The following THRB variants were observed in gnomAD, a reference collection of about 807,000 sequenced individuals.
THRB encodes the protein thyroid hormone receptor beta, also known as nuclear receptor subfamily 1 group A member 2.
THRB carries 12 observed loss-of-function variants against 47.8 expected under a neutral mutation model. That is an observed-to-expected ratio of 0.25 (90% CI 0.16 to 0.41). The LOEUF (loss-of-function observed/expected upper bound fraction) is 0.41. THRB is among the 10% of genes least tolerant of loss of function. The probability of loss-of-function intolerance (pLI) is 1.00; values close to 1 mark genes in which losing one functional copy is unlikely to be tolerated. For missense variants in THRB, 348 were observed against 589.2 expected, an observed-to-expected ratio of 0.59 and a Z score of 4.24; for synonymous variants, 218 against 212.2, an observed-to-expected ratio of 1.03 and a Z score of -0.24.
chr3:24,472,434 G>C (rs1694838767), intron 1 of THRB, among the ~76,000 whole-genome samples: 1 of 152,130 alleles, frequency 6.6e-6, no homozygotes, highest in Non-Finnish European at 1.5e-5. Flanking sequence ...AAGGCGTGAA[G>C]ACTCATCTGG....
At chr3:24,247,644 A>G (rs1246125791) in intron 3 of THRB, among the ~76,000 whole-genome samples, 1 of 152,142 alleles carries the variant, frequency 6.6e-6, no homozygotes, top group Non-Finnish European at 1.5e-5. Context: ...TTACAACCTC[A>G]TTTTATCATC....
Position 24,143,484 on chromosome 3 carries a change from G to A in THRB, c.738+17C>T, listed in dbSNP as rs1445007963. On this transcript the variant is annotated intron_variant, in intron 8 of 10. Transcript: ENST00000646209. The stretch of plus-strand genomic sequence containing the variant: ...ACTGGCATATAAGTGAAACTGATCT[G>A]TGCAAGGAAGCCTTACCAGGAATTT... The A allele has an allele frequency of 6.2e-7, 1 of 1,612,958 alleles. No individual in the cohort carries two copies. The highest frequency in any genetic ancestry group is 1.3e-5 in the African/African-American group (1 of 74,906).
At chr3:24,450,468 A>G (rs1351111653) in intron 1 of THRB, among the ~76,000 whole-genome samples, 1 of 152,216 alleles carries the variant, frequency 6.6e-6, no homozygotes, top group Non-Finnish European at 1.5e-5. Context: ...CCATTTGTGC[A>G]TTTATGAACG....
intron 3 of THRB, among the ~76,000 whole-genome samples, chr3:24,262,108 A>G (rs1390777391): frequency 1.3e-5 from 2 of 152,200 alleles, no homozygotes; most frequent in Non-Finnish European, 2.9e-5. Context: ...TAAACTTGAT[A>G]TGTCCAAACT....
At chr3:24,132,283 A>G (rs2033980895) in intron 9 of THRB, among the ~76,000 whole-genome samples, 1 of 152,204 alleles carries the variant, frequency 6.6e-6, no homozygotes, top group South Asian at 2.1e-4. Context: ...AGGTATACAG[A>G]GCAAGAGACA....
intron 4 of THRB, among the ~76,000 whole-genome samples, chr3:24,193,238 A>G (rs1403169450): frequency 6.6e-6 from 1 of 152,138 alleles, no homozygotes; most frequent in Admixed American, 6.6e-5. Context: ...TTTTAGGGAG[A>G]TTAACATCCC....
At chr3:24,269,877 C>A (rs1397136176) in intron 3 of THRB, among the ~76,000 whole-genome samples, 2 of 152,020 alleles carry the variant, frequency 1.3e-5, no homozygotes, top group Non-Finnish European at 2.9e-5. Context: ...TTGACATGTA[C>A]CTTTATAATT....
intron 4 of THRB, among the ~76,000 whole-genome samples, chr3:24,219,116 T>C (rs1231265703): frequency 6.6e-6 from 1 of 151,632 alleles, no homozygotes; most frequent in Non-Finnish European, 1.5e-5. Context: ...AAAATAATAA[T>C]AATAAAAACA....
At chr3:24,351,236 C>T (rs771455634) in intron 1 of THRB, among the ~76,000 whole-genome samples, 2 of 151,974 alleles carry the variant, frequency 1.3e-5, no homozygotes, top group Non-Finnish European at 2.9e-5. Context: ...CTTTCTTTGC[C>T]ATGGCCACAG....
intron 1 of THRB, among the ~76,000 whole-genome samples, chr3:24,392,916 C>T (rs963310179): frequency 1.3e-5 from 2 of 151,794 alleles, no homozygotes; most frequent in Non-Finnish European, 2.9e-5. Context: ...CTATTTATAC[C>T]CAGAAAGTTT....
chr3:24,251,116 A>C (rs2050625289), intron 3 of THRB, among the ~76,000 whole-genome samples: 2 of 152,176 alleles, frequency 1.3e-5, no homozygotes, highest in Admixed American at 6.5e-5. Flanking sequence ...TTTGTCAAAG[A>C]GTAAATAGAA....
chr3:24,170,152 C>G (rs375424232), intron 5 of THRB, among the ~76,000 whole-genome samples: 27 of 152,330 alleles, frequency 1.8e-4, no homozygotes, highest in African/African-American at 5.5e-4. Context: ...CTGTTCCTCT[C>G]ACAGTAGTCC....
chr3:24,287,851 C>T (rs2055487105), intron 3 of THRB, among the ~76,000 whole-genome samples: 1 of 152,126 alleles, frequency 6.6e-6, no homozygotes, highest in Non-Finnish European at 1.5e-5. Flanking sequence ...CCTACTTTGG[C>T]ATGAACTTTA....
At chr3:24,262,384 T>C (rs6782951) in intron 3 of THRB, among the ~76,000 whole-genome samples, 2,387 of 152,262 alleles carry the variant, frequency 0.016, 66 homozygotes, top group African/African-American at 0.054. Context: ...GTCCCATGAC[T>C]CCACAGGGCA....
chr3:24,192,702 G>A (rs2043492768), intron 4 of THRB, among the ~76,000 whole-genome samples: 1 of 152,120 alleles, frequency 6.6e-6, no homozygotes. Flanking sequence ...CCAGCAAGAA[G>A]GGGTTTTTTT....
chr3:24,143,023 G>A (rs945880937), intron 8 of THRB, among the ~76,000 whole-genome samples: 53 of 152,144 alleles, frequency 3.5e-4, no homozygotes, highest in African/African-American at 1.2e-3. Context: ...CTTGAGTCAA[G>A]CTCATTTAAT....
chr3:24,474,846 CAGAT>C (rs1695210918), intron 1 of THRB, among the ~76,000 whole-genome samples: 1 of 152,152 alleles, frequency 6.6e-6, no homozygotes, highest in Non-Finnish European at 1.5e-5. Flanking sequence ...GGACCTGTAT[CAGAT>C]AGGTGACTGC....
intron 3 of THRB, among the ~76,000 whole-genome samples, chr3:24,277,282 G>T (rs758046191): frequency 9.9e-5 from 15 of 152,172 alleles, no homozygotes; most frequent in Admixed American, 5.9e-4. Flanking sequence ...AGTGGGTAGA[G>T]GCTAGGGATG....
chr3:24,262,998 T>C (rs1225171548), intron 3 of THRB, among the ~76,000 whole-genome samples: 1 of 152,196 alleles, frequency 6.6e-6, no homozygotes. Context: ...ACTGAACATG[T>C]CTTCTAGAGT....
Sources: allele counts gnomAD v4.1 joint callset (sites outside exome capture counted in the v4.1 genomes callset), GRCh38; gene constraint gnomAD v4.1.1; transcripts MANE v1.5; gene names NCBI Gene and HGNC (gene_info 2026-07-23, HGNC 2026-07-21).